MGAM2: variants seen among roughly 807,000 people sequenced by gnomAD.
MGAM2 encodes the protein maltase-glucoamylase 2 (putative).
Under a neutral mutation model 96.1 loss-of-function variants are expected in MGAM2, and 98 were observed. The ratio of observed to expected loss-of-function variants is 1.02; its 90% confidence interval spans 0.87 to 1.21. MGAM2 has a LOEUF of 1.21. MGAM2 is among the 50% of genes most tolerant of loss of function. The probability of loss-of-function intolerance (pLI) is 0.00; values close to 1 mark genes in which losing one functional copy is unlikely to be tolerated. For synonymous variants in MGAM2, 749 were observed against 414.8 expected (o/e 1.81, Z -9.79); for missense variants, 2,055 against 1,182.4 (o/e 1.74, Z -10.82).
chr7:142,131,786 G>C (rs1794896218), intron 5 of MGAM2, 145 bp from the exon 6 acceptor site: 2 of 611,626 alleles, frequency 3.3e-6, no homozygotes, highest in Non-Finnish European at 5.8e-6. Flanking sequence ...CATGTAATTG[G>C]GTGATTTCAC....
chr7:142,203,359 G>A (rs749910330), intron 45 of MGAM2, among the ~76,000 whole-genome samples: 5 of 152,030 alleles, frequency 3.3e-5, no homozygotes, highest in African/African-American at 9.7e-5. Flanking sequence ...CAAGACCAAC[G>A]TTGAGAAATC....
Position 142,196,495 on chromosome 7 carries a change from A to G in MGAM2, c.4481-70A>G, listed in dbSNP as rs907694761. 31 of 702,974 alleles carry G rather than the reference A, an allele frequency of 4.4e-5. No individual in the cohort carries two copies. In the Admixed American group the frequency reaches 5.8e-4, roughly 13 times the overall value. 43.5% of individuals were successfully genotyped at this position (702,974 alleles called of 1,614,324 possible). A position where few individuals can be genotyped will look rare whatever the true frequency, so the allele number is the denominator to read the frequency against. ...GGGCTTTCTAATGGGGTAAGGAAAA[A>G]TCAGGCCAAGCCTTCACTCTCCTCC... On this transcript the variant is annotated intron_variant, in intron 38 of 47. Transcript: ENST00000477922.
At chr7:142,137,953 G>T (rs773627583) in intron 9 of MGAM2, among the ~76,000 whole-genome samples, 13 of 152,204 alleles carry the variant, frequency 8.5e-5, no homozygotes, top group Non-Finnish European at 1.9e-4. Flanking sequence ...AGTGGCTCAT[G>T]CTTGTAATTC....
intron 4 of MGAM2, 131 bp from the exon 5 acceptor site, chr7:142,131,387 G>T (rs886855108): frequency 1.6e-6 from 1 of 612,314 alleles, no homozygotes; most frequent in African/African-American, 1.8e-5. Flanking sequence ...GCAGTGAGCC[G>T]AGATCACGTC....
chr7:142,201,364 C>G (rs951699799), intron 45 of MGAM2, among the ~76,000 whole-genome samples: 1 of 152,100 alleles, frequency 6.6e-6, no homozygotes, highest in Non-Finnish European at 1.5e-5. Flanking sequence ...GCCACCGTTC[C>G]CAGCCCATAT....
intron 29 of MGAM2, 50 bp downstream of exon 29, chr7:142,172,244 C>T (rs960216807): frequency 3.0e-6 from 2 of 675,218 alleles, no homozygotes; most frequent in African/African-American, 3.5e-5. Context: ...GCTGTGACCG[C>T]TCTATTTTGA....
At chr7:142,203,925 C>A (rs183812593) in intron 45 of MGAM2, among the ~76,000 whole-genome samples, 1 of 152,148 alleles carries the variant, frequency 6.6e-6, no homozygotes, top group African/African-American at 2.4e-5. Flanking sequence ...TCTTCTTTTT[C>A]TTTGGTTATT....
At position 142,197,649 on chromosome 7, in the gene MGAM2, C is replaced by A. The variant is rs144062679; in HGVS notation, c.4787C>A (p.Thr1596Lys). 1 of 702,856 alleles carries A rather than the reference C, an allele frequency of 1.4e-6. No individual in the cohort carries two copies. Among genetic ancestry groups the A allele is most frequent in the Admixed American group, 2.0e-5 (1 of 50,002 alleles). The allele number at this position is 702,856 out of a possible 1,614,324, so 43.5% of individuals were successfully genotyped here. A position where few individuals can be genotyped will look rare whatever the true frequency, so the allele number is the denominator to read the frequency against. The change falls in exon 42 of 48, where the codon ACG becomes AAG. Residue 1596 changes from threonine to lysine, a missense_variant. Transcript: ENST00000477922. ...TVVRPLLHEF[T>K]DDRTTWDIDR... The stretch of plus-strand genomic sequence containing the variant: ...TTCCTGTTTATTTTTTTAAGGTTTA[C>A]GGATGACAGGACAACATGGGATATA...
intron 14 of MGAM2, among the ~76,000 whole-genome samples, chr7:142,145,830 G>C (rs1389371784): frequency 6.6e-6 from 1 of 152,122 alleles, no homozygotes; most frequent in Non-Finnish European, 1.5e-5. Context: ...TTCTTTGCTA[G>C]AATCTGGTCA....
chr7:142,170,629 C>T (rs989212631), intron 27 of MGAM2, among the ~76,000 whole-genome samples: 2 of 152,100 alleles, frequency 1.3e-5, no homozygotes, highest in Admixed American at 6.5e-5. Flanking sequence ...CTTCTTGTAA[C>T]GTTTGCTTCT....
intron 46 of MGAM2, among the ~76,000 whole-genome samples, chr7:142,216,925 GTC>G (rs1465940999): frequency 6.6e-6 from 1 of 152,028 alleles, no homozygotes; most frequent in Non-Finnish European, 1.5e-5. Context: ...CTGGCCTCAC[GTC>G]TCTGTTTGCT....
chr7:142,205,131 A>G (rs893421792), intron 45 of MGAM2, among the ~76,000 whole-genome samples: 6 of 152,132 alleles, frequency 3.9e-5, no homozygotes, highest in African/African-American at 1.4e-4. Context: ...TACCTCAGTG[A>G]GTCTTGCCAA....
chr7:142,160,706 G>A (rs1408473892), intron 21 of MGAM2, among the ~76,000 whole-genome samples: 1 of 151,210 alleles, frequency 6.6e-6, no homozygotes, highest in Non-Finnish European at 1.5e-5. Context: ...TTTACCTTGG[G>A]TAACTTACTT....
intron 12 of MGAM2, among the ~76,000 whole-genome samples, chr7:142,143,296 CT>C (rs1795288199): frequency 6.6e-6 from 1 of 152,042 alleles, no homozygotes; most frequent in South Asian, 2.1e-4. Flanking sequence ...AAAAAATGAC[CT>C]GAGTAAGAAG....
intron 1 of MGAM2, among the ~76,000 whole-genome samples, chr7:142,114,914 T>C (rs1043922358): frequency 6.6e-6 from 1 of 151,916 alleles, no homozygotes; most frequent in Non-Finnish European, 1.5e-5. Flanking sequence ...AAAAGAAGGA[T>C]AGAAGGAACA....
chr7:142,198,015 C>A, intron 42 of MGAM2, 124 bp from the exon 43 acceptor site: 1 of 583,910 alleles, frequency 1.7e-6, no homozygotes, highest in Non-Finnish European at 3.1e-6. Context: ...TAATAAAATC[C>A]CTCAAATTAT....
intron 6 of MGAM2, among the ~76,000 whole-genome samples, chr7:142,133,276 T>G (rs1425074761): frequency 4.8e-5 from 7 of 145,322 alleles, no homozygotes; most frequent in African/African-American, 1.7e-4. Context: ...TAATAATATA[T>G]ATTTATATAT....
At chr7:142,121,636 G>T (rs951095992) in intron 3 of MGAM2, among the ~76,000 whole-genome samples, 7 of 150,116 alleles carry the variant, frequency 4.7e-5, no homozygotes, top group East Asian at 3.9e-4. Context: ...TTATTATAAT[G>T]CTTCTTTTCT....
chr7:142,171,532 C>A, intron 28 of MGAM2, 92 bp downstream of exon 28: 4 of 601,346 alleles, frequency 6.7e-6, no homozygotes, highest in South Asian at 1.9e-5. Context: ...TGCTCATCAA[C>A]CTCATCTTAT....
Sources: gnomAD v4.1 joint callset for allele counts (sites outside exome capture counted in the v4.1 genomes callset) on GRCh38, gnomAD v4.1.1 for gene constraint, MANE v1.5 for transcripts, NCBI Gene and HGNC (gene_info 2026-07-23, HGNC 2026-07-21) for gene names.